Variants in NREP observed in about 807,000 individuals in gnomAD.
NREP encodes neuronal regeneration-related protein.
A neutral mutation model predicts 8.6 loss-of-function variants in NREP; 5 were observed. The ratio of observed to expected loss-of-function variants is 0.58; its 90% confidence interval spans 0.30 to 1.22. The LOEUF (loss-of-function observed/expected upper bound fraction) is 1.22, where lower values mean the gene tolerates loss of function less well. Among genes scored for constraint, NREP ranks in the 50% most tolerant of loss-of-function variants. NREP has a pLI of 0.07. For synonymous variants in NREP, 27 were observed against 28.0 expected (o/e 0.96, Z 0.11); for missense variants, 86 against 82.5 (o/e 1.04, Z -0.17).
intron 2 of NREP, among the ~76,000 whole-genome samples, chr5:111,827,615 G>A (rs779130059): frequency 2.0e-5 from 3 of 152,226 alleles, no homozygotes; most frequent in Non-Finnish European, 4.4e-5. Context: ...GCTGTGGTGG[G>A]TGGATCACTT....
rs1752376092 is a variant in NREP, at chr5:111,815,973, TA to T, written c.136-80467del. Among the ~76,000 whole-genome samples the T allele has an allele frequency of 2.0e-5, 3 of 152,194 alleles. No homozygotes were observed. In the South Asian group the frequency reaches 6.2e-4, roughly 32 times the overall value. Reference sequence around the variant, plus strand: ...GAAAATAATCTAAAACCACTCAGAATAAAAGACATATGGCTTTCAAAGGGAG... The same window carrying T: ...GAAAATAATCTAAAACCACTCAGAATAAAGACATATGGCTTTCAAAGGGAG... On this transcript the variant is annotated intron_variant, in intron 2 of 3. Transcript: ENST00000395634.
At position 111,804,079 on chromosome 5, in the gene NREP, G is replaced by C. The variant is rs1581129777; in HGVS notation, c.136-68572C>G. Among the ~76,000 whole-genome samples the C allele has an allele frequency of 2.0e-5, 3 of 152,132 alleles. No individual in the cohort carries two copies. In the East Asian group the frequency reaches 5.8e-4, roughly 29 times the overall value. The stretch of plus-strand genomic sequence containing the variant: ...GAGTGGTCAGGGAAAGTTTAATGAG[G>C]AATTTGAGATGAGATGACAAAGGTA... On this transcript the variant is annotated intron_variant, in intron 2 of 3. Coordinates refer to the NREP transcript ENST00000395634.
chr5:111,876,810 T>C (rs1753921105), intron 2 of NREP, among the ~76,000 whole-genome samples: 1 of 152,226 alleles, frequency 6.6e-6, no homozygotes, highest in Admixed American at 6.5e-5. Context: ...AAATATTAAC[T>C]TAATCTTCAT....
At chr5:111,844,497 C>T (rs1289058418) in intron 2 of NREP, among the ~76,000 whole-genome samples, 1 of 151,130 alleles carries the variant, frequency 6.6e-6, no homozygotes, top group Non-Finnish European at 1.5e-5. Context: ...TTTGTTCTAT[C>T]TGGATAAATT....
At chr5:111,886,147 A>C in intron 2 of NREP, among the ~76,000 whole-genome samples, 1 of 152,190 alleles carries the variant, frequency 6.6e-6, no homozygotes, top group Admixed American at 6.5e-5. Context: ...CAACCCCATC[A>C]AAAAGTGGGC....
At chr5:111,735,368 T>A in intron 3 of NREP, 62 bp downstream of exon 3, 1 of 1,195,636 alleles carries the variant, frequency 8.4e-7, no homozygotes, top group Non-Finnish European at 1.2e-6. Flanking sequence ...AGCTCTGATA[T>A]TTTAAAACAA....
rs576619266 is a variant in NREP at position 111,799,192 on chromosome 5, T to G, written c.136-63685A>C. On this transcript the variant is annotated intron_variant, in intron 2 of 3. Transcript: ENST00000395634. ...ATGGCCTTACAGATTAGTTTGAAGTTGGGTAATGTGATGCCTCCAGATTTG... is the reference window on the plus strand; with the variant it reads ...ATGGCCTTACAGATTAGTTTGAAGTGGGGTAATGTGATGCCTCCAGATTTG... 5.3e-4 allele frequency among the ~76,000 whole-genome samples: 80 copies of G among 152,276 alleles called. 1 individual carries two copies. The South Asian group carries it at 0.016, about 30-fold the overall frequency.
At chr5:111,875,838 G>A (rs1753893759) in intron 2 of NREP, among the ~76,000 whole-genome samples, 1 of 152,164 alleles carries the variant, frequency 6.6e-6, no homozygotes, top group Non-Finnish European at 1.5e-5. Flanking sequence ...CACAAAGAGT[G>A]AGGTTAAGAG....
chr5:111,941,602 G>C (rs1338478715), intron 2 of NREP, among the ~76,000 whole-genome samples: 5 of 152,048 alleles, frequency 3.3e-5, no homozygotes, highest in Non-Finnish European at 7.4e-5. Context: ...AAGTATTAGG[G>C]GGTTAGGATT....
intron 2 of NREP, among the ~76,000 whole-genome samples, chr5:111,751,126 G>T (rs1458909866): frequency 6.6e-6 from 1 of 152,152 alleles, no homozygotes; most frequent in South Asian, 2.1e-4. Flanking sequence ...TGAAATATTT[G>T]TTGAGCTTCT....
intron 2 of NREP, among the ~76,000 whole-genome samples, chr5:111,779,916 T>C (rs997764148): frequency 1.3e-5 from 2 of 152,208 alleles, no homozygotes; most frequent in East Asian, 1.9e-4. Flanking sequence ...TATTTTTGCC[T>C]CAGAAGTTCT....
intron 2 of NREP, among the ~76,000 whole-genome samples, chr5:111,863,920 T>C (rs1008298102): frequency 6.6e-6 from 1 of 152,134 alleles, no homozygotes; most frequent in Admixed American, 6.6e-5. Flanking sequence ...CTGCAAGTGT[T>C]CCAAGATATA....
In NREP at chr5:111,894,187, C is replaced by G. The variant is rs369691444; in HGVS notation, c.135+81087G>C. ...TGAGCCGAGATCACGCCATTGCACT[C>G]CAGCCTGGGAGACAGAGCAAAACTC... On this transcript the variant is annotated intron_variant, in intron 2 of 3. Transcript: ENST00000395634. Among the ~76,000 whole-genome samples the G allele has an allele frequency of 1.2e-4, 19 of 152,040 alleles. No individual in the cohort carries two copies. The East Asian group carries it at 1.5e-3, about 12-fold the overall frequency.
intron 2 of NREP, among the ~76,000 whole-genome samples, chr5:111,831,238 C>T (rs954069430): frequency 2.0e-5 from 3 of 152,056 alleles, no homozygotes; most frequent in Non-Finnish European, 4.4e-5. Context: ...TTTGGAAGTA[C>T]CAATTAGCTT....
intron 2 of NREP, among the ~76,000 whole-genome samples, chr5:111,809,855 T>C (rs1003263292): frequency 2.7e-5 from 4 of 149,890 alleles, no homozygotes; most frequent in African/African-American, 9.9e-5. Context: ...ACCACCTCAT[T>C]GACTGGGACT....
chr5:111,852,959 A>T (rs1215301675), intron 2 of NREP, among the ~76,000 whole-genome samples: 2 of 152,124 alleles, frequency 1.3e-5, no homozygotes, highest in Non-Finnish European at 2.9e-5. Context: ...GGGAGGACTG[A>T]AAGAGCTTAT....
chr5:111,746,014 A>G (rs1442959579), intron 2 of NREP, among the ~76,000 whole-genome samples: 1 of 151,726 alleles, frequency 6.6e-6, no homozygotes, highest in Non-Finnish European at 1.5e-5. Flanking sequence ...TATTGCAGGT[A>G]GAGTACTGTA....
intron 2 of NREP, among the ~76,000 whole-genome samples, chr5:111,954,831 G>A (rs1163011161): frequency 6.6e-6 from 1 of 152,116 alleles, no homozygotes; most frequent in Non-Finnish European, 1.5e-5. Flanking sequence ...TTTATTAAAA[G>A]TCTTTCTTTA....
chr5:111,893,749 G>A (rs1394664490), intron 2 of NREP, among the ~76,000 whole-genome samples: 1 of 151,402 alleles, frequency 6.6e-6, no homozygotes, highest in Non-Finnish European at 1.5e-5. Flanking sequence ...TTGCTAATTG[G>A]TTAAGGGTTT....
Sources: allele counts gnomAD v4.1 joint callset (sites outside exome capture counted in the v4.1 genomes callset), GRCh38; gene constraint gnomAD v4.1.1; transcripts MANE v1.5; gene names NCBI Gene and HGNC (gene_info 2026-07-23, HGNC 2026-07-21).